Variants in CIB2 observed in about 807,000 individuals in gnomAD.
CIB2 encodes the protein calcium and integrin-binding family member 2.
Under a neutral mutation model 23.1 loss-of-function variants are expected in CIB2, and 19 were observed. The observed-to-expected ratio is 0.82, with a 90% confidence interval of 0.57 to 1.21. The LOEUF (loss-of-function observed/expected upper bound fraction) is 1.21, where lower values mean the gene tolerates loss of function less well. CIB2 is among the 50% of genes most tolerant of loss of function. CIB2 has a pLI of 0.00. For missense variants in CIB2, 220 were observed against 241.5 expected (o/e 0.91, Z 0.59); for synonymous variants, 94 against 91.7 (o/e 1.03, Z -0.14).
chr15:78,130,179 C>T (rs983204155), intron 1 of CIB2, among the ~76,000 whole-genome samples: 1 of 152,204 alleles, frequency 6.6e-6, no homozygotes, highest in Non-Finnish European at 1.5e-5. Flanking sequence ...AATCCTGCCC[C>T]CTCCGCCTGG....
intron 1 of CIB2, among the ~76,000 whole-genome samples, chr15:78,130,369 G>A (rs888397086): frequency 2.0e-5 from 3 of 152,212 alleles, no homozygotes; most frequent in African/African-American, 7.2e-5. Context: ...CAGAGGGCAG[G>A]GAAGGGACCT....
chr15:78,127,760 C>T (rs2074400181), intron 1 of CIB2, among the ~76,000 whole-genome samples: 1 of 152,182 alleles, frequency 6.6e-6, no homozygotes, highest in African/African-American at 2.4e-5. Context: ...CAGCTCAGGC[C>T]TCAGCACTGC....
At chr15:78,112,894 T>A (rs1163028741) in intron 2 of CIB2, among the ~76,000 whole-genome samples, 3 of 152,220 alleles carry the variant, frequency 2.0e-5, no homozygotes, top group African/African-American at 7.2e-5. Context: ...GGCACCTGAC[T>A]ACTTACCCAG....
chr15:78,106,489 G>A (rs2074072604), intron 4 of CIB2, among the ~76,000 whole-genome samples: 1 of 152,144 alleles, frequency 6.6e-6, no homozygotes. Flanking sequence ...CTTAGAGAGG[G>A]GCCTGTGCCT....
At chr15:78,108,299 G>C (rs961993176) in intron 4 of CIB2, among the ~76,000 whole-genome samples, 1 of 151,958 alleles carries the variant, frequency 6.6e-6, no homozygotes. Flanking sequence ...CTGATCAAAC[G>C]TGCTGAGGAC....
chr15:78,109,155 G>T, intron 4 of CIB2, 80 bp downstream of exon 4: 1 of 1,494,964 alleles, frequency 6.7e-7, no homozygotes, highest in Non-Finnish European at 9.1e-7. Flanking sequence ...TAGGGCAGGA[G>T]CCAGTAGTAA....
At chr15:78,108,369 A>C (rs1299977895) in intron 4 of CIB2, among the ~76,000 whole-genome samples, 1 of 152,078 alleles carries the variant, frequency 6.6e-6, no homozygotes, top group East Asian at 1.9e-4. Context: ...CCTAGGCCTT[A>C]GGCATCTCAA....
rs778859925 is a variant in CIB2 at position 78,109,402 on chromosome 15, C to T, written c.199-20G>A. 1 of 1,613,744 alleles carries T rather than the reference C, an allele frequency of 6.2e-7. No homozygotes were observed. The highest frequency in any genetic ancestry group is 1.7e-5 in the Admixed American group (1 of 60,006). On this transcript the variant is annotated intron_variant, in intron 3 of 5. Coordinates refer to ENST00000258930, the MANE Select transcript of CIB2 (RefSeq NM_006383.4). ...ATTCTCCTGAAGAAAACACACACAG[C>T]AATCACTGTGGGTGCAGGATAAGCA...
At chr15:78,125,528 AC>A (rs2074370484) in intron 1 of CIB2, among the ~76,000 whole-genome samples, 1 of 151,828 alleles carries the variant, frequency 6.6e-6, no homozygotes, top group Non-Finnish European at 1.5e-5. Context: ...TTCCCCTATA[AC>A]CCTGCTCCCT....
At position 78,131,162 on chromosome 15, in the gene CIB2, C is replaced by A; in HGVS notation, c.51+3G>T. The stretch of plus-strand genomic sequence containing the variant: ...TGTTGGGGGCCGGGCGCGCCGAGCT[C>A]ACCTGGTAGTTGTCTAGCTGCTCTT... On this transcript the variant is annotated splice_donor_region_variant and intron_variant, in intron 1 of 5. Coordinates refer to ENST00000258930, the MANE Select transcript of CIB2 (RefSeq NM_006383.4). This position sits in a 1 kb window ranked among gnomAD's most constrained non-coding sequence, Gnocchi z 5.8. The A allele has an allele frequency of 1.3e-6, 2 of 1,588,322 alleles. No individual in the cohort carries two copies. Among genetic ancestry groups the A allele is most frequent in the South Asian group, 2.3e-5 (2 of 88,796 alleles).
chr15:78,121,861 T>C (rs920826250), intron 2 of CIB2, among the ~76,000 whole-genome samples: 2 of 152,204 alleles, frequency 1.3e-5, no homozygotes, highest in Non-Finnish European at 2.9e-5. Context: ...ATTCCCGGAC[T>C]GGCCTTCAAG....
intron 3 of CIB2, 59 bp downstream of exon 3, chr15:78,111,106 T>TCTG: frequency 6.8e-7 from 1 of 1,478,350 alleles, no homozygotes; most frequent in Non-Finnish European, 9.5e-7. Flanking sequence ...CCTGGGGGCC[T>TCTG]CTGCTGCTGG....
intron 4 of CIB2, among the ~76,000 whole-genome samples, chr15:78,107,574 C>T (rs779696029): frequency 1.3e-5 from 2 of 152,158 alleles, no homozygotes; most frequent in Non-Finnish European, 1.5e-5. Flanking sequence ...GGCTGCCTCT[C>T]CCCACTCCAC....
chr15:78,119,031 T>G (rs1056685233), intron 2 of CIB2, among the ~76,000 whole-genome samples: 4 of 151,824 alleles, frequency 2.6e-5, no homozygotes, highest in African/African-American at 9.7e-5. Context: ...AATACAAAAA[T>G]TAGCCGAGCG....
At chr15:78,109,645 T>A (rs2074126104) in intron 3 of CIB2, 1 of 506,266 alleles carries the variant, frequency 2.0e-6, no homozygotes, top group Non-Finnish European at 3.6e-6. Context: ...TCATGTCACA[T>A]CATTAAGATG....
At position 78,109,250 on chromosome 15, in the gene CIB2, C is replaced by G; in HGVS notation, c.331G>C (p.Ala111Pro). Reference sequence around the variant, plus strand: ...CCCTGGTTACCATAGATCTTGAAGGCATAGTTTGCCTTGAGCTCTCGGGGA... The same window carrying G: ...CCCTGGTTACCATAGATCTTGAAGGGATAGTTTGCCTTGAGCTCTCGGGGA... ...SAPRELKANY[A>P]FKIYDFNTDN... The change falls in exon 4 of 6, where the codon GCC becomes CCC. Residue 111 changes from alanine (A) to proline (P), a missense_variant. Coordinates refer to ENST00000258930, the MANE Select transcript of CIB2 (RefSeq NM_006383.4). 2 of 1,550,668 alleles carry G rather than the reference C, an allele frequency of 1.3e-6. No homozygotes were observed. The highest frequency in any genetic ancestry group is 1.8e-6 in the Non-Finnish European group (2 of 1,141,336).
chr15:78,115,377 G>A (rs1319931729), intron 2 of CIB2, among the ~76,000 whole-genome samples: 2 of 151,052 alleles, frequency 1.3e-5, no homozygotes, highest in Admixed American at 6.6e-5. Flanking sequence ...CTCATGCCTC[G>A]GCCTCCCAAG....
At chr15:78,117,246 C>CAAAAAAAAAAAAAAAAAAAAAAAAAAAAA (rs60332437) in intron 2 of CIB2, among the ~76,000 whole-genome samples, 3 of 55,480 alleles carry the variant, frequency 5.4e-5, no homozygotes, top group Non-Finnish European at 9.1e-5. Context: ...AAGCTACTGG[C>CAAAAAAAAAAAAAAAAAAAAAAAAAAAAA]AAAAAAAAAA....
At chr15:78,105,559 T>C in intron 5 of CIB2, 180 bp downstream of exon 5, 1 of 1,481,162 alleles carries the variant, frequency 6.8e-7, no homozygotes, top group Non-Finnish European at 8.9e-7. Context: ...GTCTTCAACC[T>C]TCCCCCTGCA....
Sources: allele counts gnomAD v4.1 joint callset (sites outside exome capture counted in the v4.1 genomes callset), GRCh38; gene constraint gnomAD v4.1.1; non-coding constraint Gnocchi (gnomAD v3.1); transcripts MANE v1.5; gene names NCBI Gene and HGNC (gene_info 2026-07-23, HGNC 2026-07-21).